The following TMOD3 variants were observed in gnomAD, a reference collection of about 807,000 sequenced individuals.
TMOD3 encodes tropomodulin 3, also known as tropomodulin-3.
A neutral mutation model predicts 39.2 loss-of-function variants in TMOD3; 20 were observed. The ratio of observed to expected loss-of-function variants is 0.51; its 90% CI spans 0.36 to 0.74. TMOD3 has a LOEUF of 0.74. Ranked by LOEUF, TMOD3 falls within the 30% of genes least tolerant of loss-of-function variation. The pLI is 0.00. For synonymous variants in TMOD3, 143 were observed against 145.8 expected, an observed-to-expected ratio of 0.98 and a Z score of 0.14; for missense variants, 381 against 412.8, an observed-to-expected ratio of 0.92 and a Z score of 0.67.
chr15:51,842,031 C>A (rs1008945823), intron 1 of TMOD3, among the ~76,000 whole-genome samples: 10 of 152,126 alleles, frequency 6.6e-5, no homozygotes, highest in African/African-American at 2.4e-4. Context: ...CCACCTTGGC[C>A]TCCCAAAGTG....
chr15:51,878,237 A>G (rs896314418), intron 3 of TMOD3, among the ~76,000 whole-genome samples: 1 of 152,292 alleles, frequency 6.6e-6, no homozygotes, highest in African/African-American at 2.4e-5. Flanking sequence ...GTGTCTTGAA[A>G]ACTGTTGTTT....
At chr15:51,864,928 T>C (rs2056437826) in intron 2 of TMOD3, among the ~76,000 whole-genome samples, 1 of 151,968 alleles carries the variant, frequency 6.6e-6, no homozygotes, top group Non-Finnish European at 1.5e-5. Flanking sequence ...GAAGGAGTGG[T>C]CTCTCCAGGA....
chr15:51,876,708 G>A (rs530586992), intron 3 of TMOD3, among the ~76,000 whole-genome samples: 2 of 151,842 alleles, frequency 1.3e-5, no homozygotes, highest in East Asian at 1.9e-4. Context: ...TGATCCACCT[G>A]CCTCAGCCTC....
Position 51,900,185 on chromosome 15 carries a change from A to T in TMOD3, c.766A>T (p.Thr256Ser). ...AFAEMLKVNK[T>S]LKSLNVESNF... Reference sequence around the variant, plus strand: ...TGCAGAAATGCTGAAAGTGAACAAAACTTTGAAGAGCTTAAATGTGGAGTC... The same window carrying T: ...TGCAGAAATGCTGAAAGTGAACAAATCTTTGAAGAGCTTAAATGTGGAGTC... The change falls in exon 8 of 10, where the codon ACT (threonine) becomes TCT (serine). Residue 256 changes from threonine to serine, a missense_variant. Transcript: ENST00000308580. 1 of 1,614,200 alleles carries T rather than the reference A, an allele frequency of 6.2e-7. No individual in the cohort carries two copies.
chr15:51,883,140 T>C (rs1014092132), intron 3 of TMOD3, among the ~76,000 whole-genome samples: 2 of 152,130 alleles, frequency 1.3e-5, no homozygotes, highest in Non-Finnish European at 2.9e-5. Flanking sequence ...AAAAATTATA[T>C]AAAGAGGAGT....
chr15:51,860,938 A>G, intron 1 of TMOD3: 1 of 465,764 alleles, frequency 2.1e-6, no homozygotes. Flanking sequence ...TCCATCTCAA[A>G]AAACAAACAA....
chr15:51,907,754 G>T (rs1475854466), intron 9 of TMOD3, among the ~76,000 whole-genome samples: 2 of 152,222 alleles, frequency 1.3e-5, no homozygotes, highest in African/African-American at 4.8e-5. Flanking sequence ...GCTCTCTAGT[G>T]GCTGATAGGT....
intron 3 of TMOD3, among the ~76,000 whole-genome samples, chr15:51,876,244 C>A (rs1307666002): frequency 6.6e-6 from 1 of 152,184 alleles, no homozygotes; most frequent in Non-Finnish European, 1.5e-5. Flanking sequence ...TCACAGCTCA[C>A]TGCAGCCTCA....
intron 1 of TMOD3, among the ~76,000 whole-genome samples, chr15:51,850,859 C>T (rs2056358257): frequency 6.6e-6 from 1 of 152,158 alleles, no homozygotes; most frequent in Admixed American, 6.6e-5. Flanking sequence ...GCCTCAGCCT[C>T]CTCAGCTGGG....
At chr15:51,872,562 C>T (rs2056480483) in intron 3 of TMOD3, among the ~76,000 whole-genome samples, 1 of 150,714 alleles carries the variant, frequency 6.6e-6, no homozygotes, top group South Asian at 2.1e-4. Context: ...GGGCATCTGG[C>T]ATGCCTATGT....
At chr15:51,888,831 GGAAATGTGGGGAAATGTAAATTTA>G (rs1310395691) in intron 4 of TMOD3, among the ~76,000 whole-genome samples, 1 of 152,116 alleles carries the variant, frequency 6.6e-6, no homozygotes, top group African/African-American at 2.4e-5. Flanking sequence ...CTCTGAATTT[GGAAATGTGGGGAAATGTAAATTTA>G]GAAATGTGGG....
intron 1 of TMOD3, among the ~76,000 whole-genome samples, chr15:51,857,005 A>G (rs2056391084): frequency 6.6e-6 from 1 of 152,206 alleles, no homozygotes; most frequent in Admixed American, 6.5e-5. Context: ...GAGGGGAGAG[A>G]CTATAAGCAA....
At position 51,901,919 on chromosome 15, in the gene TMOD3, T is replaced by C. The variant is rs143246177; in HGVS notation, c.907T>C (p.Leu303=). Residue 303 remains leucine, a synonymous_variant, in exon 9 of 10, where the codon TTG becomes CTG. Transcript: ENST00000308580. ...QRQQLGTAVE[L]EMAKMLEENT... ...GCAGCAGTTGGGGACAGCTGTAGAA[T>C]TGGAAATGGCCAAGATGCTTGAGGA... 6.9e-4 allele frequency: 1,111 copies of C among 1,614,166 alleles called. 9 individuals carry two copies. Among genetic ancestry groups the C allele is most frequent in the Non-Finnish European group, 1.6e-4 (186 of 1,180,022 alleles).
At chr15:51,841,936 A>AT (rs1295340582) in intron 1 of TMOD3, among the ~76,000 whole-genome samples, 25 of 150,866 alleles carry the variant, frequency 1.7e-4, no homozygotes, top group Admixed American at 1.4e-3. Flanking sequence ...CGCCTGGCTA[A>AT]TTTTTTTTTA....
chr15:51,845,009 A>G (rs1281291574), intron 1 of TMOD3, among the ~76,000 whole-genome samples: 1 of 152,154 alleles, frequency 6.6e-6, no homozygotes, highest in Admixed American at 6.5e-5. Context: ...GTATGTACAT[A>G]TCTAGCATGA....
At chr15:51,839,092 T>C (rs1173528719) in intron 1 of TMOD3, among the ~76,000 whole-genome samples, 1 of 151,872 alleles carries the variant, frequency 6.6e-6, no homozygotes, top group South Asian at 2.1e-4. Context: ...CAGAAGGAAG[T>C]GACCATGCCT....
At chr15:51,871,154 A>T (rs2056472808) in intron 3 of TMOD3, among the ~76,000 whole-genome samples, 1 of 152,168 alleles carries the variant, frequency 6.6e-6, no homozygotes, top group Non-Finnish European at 1.5e-5. Context: ...CCATCACGCT[A>T]CTGTTACAGG....
rs1309194329 is a variant in TMOD3, at chr15:51,910,855, G to C, written c.*2045G>C. The C allele has an allele frequency of 6.6e-6, 1 of 151,532 alleles. No individual in the cohort carries two copies. Among genetic ancestry groups the C allele is most frequent in the Admixed American group, 6.6e-5 (1 of 15,168 alleles). 9.4% of individuals were successfully genotyped at this position (151,532 alleles called of 1,614,324 possible). A position where few individuals can be genotyped will look rare whatever the true frequency, so the allele number is the denominator to read the frequency against. ...AAAGGTTAACTTTGCACTATTCCCT[G>C]TCAGTTAAAGGCCACTGATATTTTT... On this transcript the variant is annotated 3_prime_UTR_variant, in exon 10 of 10. Coordinates refer to ENST00000308580, the MANE Select transcript of TMOD3 (RefSeq NM_014547.5).
chr15:51,865,124 C>T (rs2056438955), intron 2 of TMOD3, among the ~76,000 whole-genome samples: 1 of 152,088 alleles, frequency 6.6e-6, no homozygotes, highest in Non-Finnish European at 1.5e-5. Context: ...GTAGCTAGGA[C>T]TACAGGCAAG....
Sources: allele counts gnomAD v4.1 joint callset (sites outside exome capture counted in the v4.1 genomes callset), GRCh38; gene constraint gnomAD v4.1.1; transcripts MANE v1.5; gene names NCBI Gene and HGNC (gene_info 2026-07-23, HGNC 2026-07-21).